KRT86: variants seen among roughly 807,000 people sequenced by gnomAD.
The protein encoded by KRT86 is keratin 86, also known as keratin, type II cuticular Hb6.
A neutral mutation model predicts 41.2 loss-of-function variants in KRT86; 30 were observed. That is an observed-to-expected ratio of 0.73 (90% CI 0.54 to 0.99). The LOEUF (loss-of-function observed/expected upper bound fraction) is 0.99. Ranked by LOEUF, KRT86 falls within the 50% of genes least tolerant of loss-of-function variation. The pLI, the probability that KRT86 is intolerant of heterozygous loss-of-function variation, is 0.00. For missense variants in KRT86, 561 were observed against 571.4 expected, an observed-to-expected ratio of 0.98 and a Z score of 0.19; for synonymous variants, 238 against 238.1, an observed-to-expected ratio of 1.00 and a Z score of 0.00.
chr12:52,288,131 C>A (rs149438181), intron 2 of KRT86: 1 of 1,614,164 alleles, frequency 6.2e-7, no homozygotes. Flanking sequence ...AGATGTGCGA[C>A]TGGAGAATGA....
intron 2 of KRT86, among the ~76,000 whole-genome samples, chr12:52,277,042 G>C (rs4761783): frequency 0.3 from 45,076 of 152,032 alleles, 7,244 homozygotes; most frequent in Middle Eastern, 0.41. Context: ...AGCCACAGCT[G>C]TTCTGGTTCC....
Position 52,286,265 on chromosome 12 carries a change from C to T in KRT86, c.-5+10319C>T, listed in dbSNP as rs138935547. ...CTTGAGTTGGGGTGCCTAACATTTC[C>T]GGCAGCTGCTGCCGCAAGACCCCAC... On this transcript the variant is annotated intron_variant, in intron 2 of 10. Coordinates refer to ENST00000423955, the MANE Select transcript of KRT86 (RefSeq NM_001320198.2). 1.9e-4 allele frequency: 290 copies of T among 1,554,020 alleles called. No homozygotes were observed. Among genetic ancestry groups the T allele is most frequent in the East Asian group, 3.6e-4 (15 of 41,452 alleles).
chr12:52,285,123 A>G (rs1020525789), intron 2 of KRT86, among the ~76,000 whole-genome samples: 2 of 152,222 alleles, frequency 1.3e-5, no homozygotes, highest in Non-Finnish European at 1.5e-5. Flanking sequence ...TCAACTTATG[A>G]GGTGGTTGCC....
chr12:52,306,120 G>A lies in KRT86; in HGVS notation c.1087G>A (p.Asp363Asn), dbSNP rs760506150. 14 of 1,613,918 alleles carry A rather than the reference G, an allele frequency of 8.7e-6. No homozygotes were observed. In the African/African-American group the frequency reaches 1.5e-4, roughly 17 times the overall value. The change falls in exon 9 of 11, where the codon GAT becomes AAT. Residue 363 changes from aspartate (D) to asparagine (N), a missense_variant. By Grantham distance (23) the Asp-to-Asn change is conservative. Transcript: ENST00000423955. ...GCAGCAGGGTGAGGCGGCCCTCAGCGATGCCCGCTGCAAGTTGGCCGAGCT... is the reference window on the plus strand; with the variant it reads ...GCAGCAGGGTGAGGCGGCCCTCAGCAATGCCCGCTGCAAGTTGGCCGAGCT... ...SEQQGEAALS[D>N]ARCKLAELEG...
intron 2 of KRT86, 139 bp from the exon 3 acceptor site, chr12:52,301,774 C>G: frequency 6.4e-7 from 1 of 1,570,450 alleles, no homozygotes; most frequent in Non-Finnish European, 8.7e-7. Flanking sequence ...CTTCTAATTG[C>G]TCCGACCCAC....
At chr12:52,301,188 G>A (rs1938364621) in intron 2 of KRT86, among the ~76,000 whole-genome samples, 1 of 151,780 alleles carries the variant, frequency 6.6e-6, no homozygotes, top group Non-Finnish European at 1.5e-5. Flanking sequence ...GAGTAGGAAG[G>A]CCAGCATGTG....
At chr12:52,299,168 T>TTAGCTCTC (rs1780843880) in intron 2 of KRT86, among the ~76,000 whole-genome samples, 1 of 152,240 alleles carries the variant, frequency 6.6e-6, no homozygotes, top group African/African-American at 2.4e-5. Flanking sequence ...ATCAATTTTT[T>TTAGCTCTC]TAGCTCTCGC....
chr12:52,301,994 C>T lies in KRT86; in HGVS notation c.78C>T (p.Cys26=), dbSNP rs201420491. ...GCGGGCCCCGGCCCGGCCGCTGCTG[C>T]ATCACCGCCGCCCCCTACCGTGGCA... ...SACGPRPGRC[C]ITAAPYRGIS... The change falls in exon 3 of 11, where the codon TGC becomes TGT. Residue 26 remains cysteine, a synonymous_variant. Coordinates refer to ENST00000423955, the MANE Select transcript of KRT86 (RefSeq NM_001320198.2). The T allele has an allele frequency of 4.3e-6, 7 of 1,612,906 alleles. No homozygotes were observed. In the African/African-American group the frequency reaches 8.0e-5, roughly 18 times the overall value.
chr12:52,285,378 A>C lies in KRT86; in HGVS notation c.-5+9432A>C, dbSNP rs937410108. Among the ~76,000 whole-genome samples, 10 of 151,264 alleles carry C rather than the reference A, an allele frequency of 6.6e-5. No individual in the cohort carries two copies. The East Asian group carries it at 1.9e-3, about 29-fold the overall frequency. On this transcript the variant is annotated intron_variant, in intron 2 of 10. Transcript: ENST00000423955. ...GATGCCATTTAAAAAAAAAAAAAAG[A>C]AAGCCAACATCAAAGGCTTTTTGAA...
chr12:52,286,324 G>T (rs370312171), intron 2 of KRT86: 20 of 1,554,534 alleles, frequency 1.3e-5, no homozygotes, highest in Non-Finnish European at 1.7e-5. Flanking sequence ...AGCCCACGCC[G>T]CAGGAACCCC....
intron 5 of KRT86, among the ~76,000 whole-genome samples, chr12:52,304,569 G>C (rs552614724): frequency 6.6e-6 from 1 of 152,068 alleles, no homozygotes; most frequent in Non-Finnish European, 1.5e-5. Context: ...GGGGGATGGA[G>C]AAGAACCAGG....
chr12:52,286,716 C>A, intron 2 of KRT86: 1 of 1,483,736 alleles, frequency 6.7e-7, no homozygotes, highest in Non-Finnish European at 9.4e-7. Flanking sequence ...ATCTCAGTAA[C>A]ACTCCTTTTT....
chr12:52,277,272 A>T (rs76836598), intron 2 of KRT86, among the ~76,000 whole-genome samples: 5,657 of 151,896 alleles, frequency 0.037, 249 homozygotes, highest in African/African-American at 0.11. Context: ...CAGCCATCCT[A>T]GATAGCCGGT....
chr12:52,296,701 T>C (rs1938259508), intron 2 of KRT86, among the ~76,000 whole-genome samples: 1 of 152,194 alleles, frequency 6.6e-6, no homozygotes, highest in African/African-American at 2.4e-5. Context: ...CTGAGGTCAA[T>C]TCCATTATCA....
At position 52,301,963 on chromosome 12, in the gene KRT86, C is replaced by T. The variant is rs1001067984; in HGVS notation, c.47C>T (p.Ser16Leu). Residue 16 changes from serine to leucine, a missense_variant, in exon 3 of 11, where the codon TCG (serine) becomes TTG (leucine). Transcript: ENST00000423955. ...YCGGRAFSCI[S>L]ACGPRPGRCC... ...GGTGGCCGCGCCTTCAGCTGCATCT[C>T]GGCCTGCGGGCCCCGGCCCGGCCGC... 14 of 1,613,720 alleles carry T rather than the reference C, an allele frequency of 8.7e-6. No homozygotes were observed. Among genetic ancestry groups the T allele is most frequent in the Middle Eastern group, 1.6e-4 (1 of 6,062 alleles).
At chr12:52,293,628 C>T (rs1938186334) in intron 2 of KRT86, among the ~76,000 whole-genome samples, 1 of 152,120 alleles carries the variant, frequency 6.6e-6, no homozygotes, top group Non-Finnish European at 1.5e-5. Flanking sequence ...GTTAGATGTG[C>T]AGCACCCCGT....
rs560094200 is a variant in KRT86, at chr12:52,307,537, G to A, written c.1248-696G>A. 2.6e-5 allele frequency among the ~76,000 whole-genome samples: 4 copies of A among 152,338 alleles called. No homozygotes were observed. In the South Asian group the frequency reaches 8.3e-4, roughly 32 times the overall value. On this transcript the variant is annotated intron_variant, in intron 9 of 10. Transcript: ENST00000423955. The stretch of plus-strand genomic sequence containing the variant: ...TTTTCTTCCCTTAGGGGAAGCTATT[G>A]GGAGGGAAATGTGGGGTGGGTAGAA...
At chr12:52,301,248 T>C (rs1489488170) in intron 2 of KRT86, among the ~76,000 whole-genome samples, 2 of 150,126 alleles carry the variant, frequency 1.3e-5, no homozygotes, top group Non-Finnish European at 3.0e-5. Context: ...CACCAGAGAG[T>C]GGGAGAGAGA....
chr12:52,287,132 T>C (rs1308395173), intron 2 of KRT86: 5 of 1,613,306 alleles, frequency 3.1e-6, no homozygotes, highest in Non-Finnish European at 4.2e-6. Context: ...CAGGCGCCTG[T>C]AGGTGGCGAT....
Sources: gnomAD v4.1 joint callset for allele counts (sites outside exome capture counted in the v4.1 genomes callset) on GRCh38, gnomAD v4.1.1 for gene constraint, MANE v1.5 for transcripts, NCBI Gene and HGNC (gene_info 2026-07-23, HGNC 2026-07-21) for gene names.